ZFP14: variants seen among roughly 807,000 people sequenced by gnomAD.
The protein encoded by ZFP14 is zinc finger protein 14 homolog.
A neutral mutation model predicts 54.5 loss-of-function variants in ZFP14; 22 were observed. The ratio of observed to expected loss-of-function variants is 0.40; its 90% CI spans 0.29 to 0.58. ZFP14 has a LOEUF of 0.58. Among genes scored for constraint, ZFP14 ranks in the 20% least tolerant of loss-of-function variants. ZFP14 has a pLI of 0.39. For missense variants in ZFP14, 470 were observed against 637.8 expected (o/e 0.74, Z 2.83); for synonymous variants, 159 against 204.0 (o/e 0.78, Z 1.88).
At position 36,359,961 on chromosome 19, in the gene ZFP14, T is replaced by A. The variant is rs180991319; in HGVS notation, c.235+474A>T. 4.5e-3 allele frequency among the ~76,000 whole-genome samples: 685 copies of A among 152,258 alleles called. 11 individuals carry two copies. Among genetic ancestry groups the A allele is most frequent in the Admixed American group, 0.025 (387 of 15,282 alleles). On this transcript the variant is annotated intron_variant, in intron 4 of 4. Transcript: ENST00000270001. The stretch of plus-strand genomic sequence containing the variant: ...TGAGCCACCACGCCCAGCCTCTTAT[T>A]ATTCTTTTAACGGCTATAGGATCTA...
intron 4 of ZFP14, among the ~76,000 whole-genome samples, chr19:36,354,890 C>T (rs1340879255): frequency 7.0e-6 from 1 of 142,840 alleles, no homozygotes; most frequent in Admixed American, 7.2e-5. Context: ...AGGCTGGTCT[C>T]GAACTCCTGG....
chr19:36,368,444 G>C (rs905414065), intron 1 of ZFP14, among the ~76,000 whole-genome samples: 2 of 152,094 alleles, frequency 1.3e-5, no homozygotes, highest in Non-Finnish European at 2.9e-5. Flanking sequence ...CTCCAGCCTG[G>C]GCAACAAGAG....
chr19:36,362,550 A>G (rs1219418608), intron 2 of ZFP14, among the ~76,000 whole-genome samples: 3 of 152,178 alleles, frequency 2.0e-5, no homozygotes, highest in South Asian at 2.1e-4. Flanking sequence ...TTTGAATACT[A>G]TGTGCCTCCA....
Position 36,340,012 on chromosome 19 carries a change from C to A in ZFP14, c.*212G>T. ...GAAAGGGAGATAATGACAGATAAGG[C>A]TAAAGATTTTCCTACATTCATTACA... On this transcript the variant is annotated 3_prime_UTR_variant, in exon 5 of 5. Transcript: ENST00000270001. The surrounding 1 kb of genome is among the most constrained non-coding windows in gnomAD (Gnocchi z 5.4). 1 of 453,180 alleles carries A rather than the reference C, an allele frequency of 2.2e-6. No individual in the cohort carries two copies. The highest frequency in any genetic ancestry group is 5.6e-5 in the South Asian group (1 of 17,760). 28.1% of individuals were successfully genotyped at this position (453,180 alleles called of 1,614,324 possible).
At chr19:36,362,002 G>T in intron 3 of ZFP14, 110 bp downstream of exon 3, 1 of 1,362,838 alleles carries the variant, frequency 7.3e-7, no homozygotes, top group Non-Finnish European at 9.8e-7. Flanking sequence ...ACCTGACAAA[G>T]CTTAAATCAT....
At chr19:36,351,315 A>G (rs2031520789) in intron 4 of ZFP14, among the ~76,000 whole-genome samples, 1 of 142,544 alleles carries the variant, frequency 7.0e-6, no homozygotes, top group African/African-American at 2.6e-5. Context: ...CCTGGCCAAC[A>G]TGGCGAAACC....
At chr19:36,370,101 CA>C (rs1185631912) in intron 1 of ZFP14, among the ~76,000 whole-genome samples, 2 of 152,180 alleles carry the variant, frequency 1.3e-5, no homozygotes, top group African/African-American at 4.8e-5. Flanking sequence ...TATCCATCAA[CA>C]AAAATGCCTT....
At position 36,350,492 on chromosome 19, in the gene ZFP14, T is replaced by G. The variant is rs10425250; in HGVS notation, c.236-8902A>C. 1.9e-3 allele frequency among the ~76,000 whole-genome samples: 263 copies of G among 141,050 alleles called. 31 individuals are homozygous for G. The highest frequency in any genetic ancestry group is 6.6e-3 in the African/African-American group (253 of 38,440). The allele number at this position is 141,050 out of a possible 152,430, so 92.5% of individuals were successfully genotyped here. On this transcript the variant is annotated intron_variant, in intron 4 of 4. Transcript: ENST00000270001. The stretch of plus-strand genomic sequence containing the variant: ...GGTGTGCACCTGTGGTCCAAGCTAC[T>G]TGGGAGGCTGAGGTGGGAGGATCAC...
At chr19:36,360,326 G>A (rs1191802725) in intron 4 of ZFP14, 109 bp downstream of exon 4, 1 of 891,956 alleles carries the variant, frequency 1.1e-6, no homozygotes, top group Non-Finnish European at 1.6e-6. Flanking sequence ...CATAGGCCAG[G>A]GGCTTTTTGA....
In ZFP14 at chr19:36,336,605, T is replaced by C. The variant is rs1479302494; in HGVS notation, c.*3619A>G. 6.6e-6 allele frequency: 1 copy of C among 152,256 alleles called. No individual in the cohort carries two copies. Among genetic ancestry groups the C allele is most frequent in the African/African-American group, 2.4e-5 (1 of 41,462 alleles). The allele number at this position is 152,256 out of a possible 1,614,324, so 9.4% of individuals were successfully genotyped here. A position where few individuals can be genotyped will look rare whatever the true frequency, so the allele number is the denominator to read the frequency against. ...TCCTTTTTCTTGACGGAAATACTTATTCATTCCCTCAACACATTCATCTGT... is the reference window on the plus strand; with the variant it reads ...TCCTTTTTCTTGACGGAAATACTTACTCATTCCCTCAACACATTCATCTGT... On this transcript the variant is annotated 3_prime_UTR_variant, in exon 5 of 5. Transcript: ENST00000270001.
At chr19:36,352,992 A>G (rs1237117656) in intron 4 of ZFP14, among the ~76,000 whole-genome samples, 2 of 140,156 alleles carry the variant, frequency 1.4e-5, no homozygotes, top group Admixed American at 7.4e-5. Context: ...TGTAGTCCCA[A>G]CTACTCAGGA....
chr19:36,370,926 T>C (rs1434898096), intron 1 of ZFP14, among the ~76,000 whole-genome samples: 1 of 152,174 alleles, frequency 6.6e-6, no homozygotes, highest in East Asian at 1.9e-4. Flanking sequence ...AAAGTGCCAG[T>C]GATTGACTCT....
chr19:36,342,603 G>A (rs1268672944), intron 4 of ZFP14, among the ~76,000 whole-genome samples: 2 of 151,996 alleles, frequency 1.3e-5, no homozygotes, highest in Admixed American at 1.3e-4. Flanking sequence ...AAAATAAAGA[G>A]ACAATGCTAG....
At chr19:36,345,048 G>A (rs2031389143) in intron 4 of ZFP14, among the ~76,000 whole-genome samples, 1 of 152,200 alleles carries the variant, frequency 6.6e-6, no homozygotes, top group Non-Finnish European at 1.5e-5. Flanking sequence ...GATCACCTGA[G>A]GTCGGGAGTT....
intron 2 of ZFP14, among the ~76,000 whole-genome samples, chr19:36,367,102 C>T (rs1164654131): frequency 1.3e-5 from 2 of 150,668 alleles, no homozygotes; most frequent in Admixed American, 6.6e-5. Flanking sequence ...TGCAGTGAGC[C>T]GAGATCATGC....
At chr19:36,376,286 C>T (rs1170842902) in intron 1 of ZFP14, among the ~76,000 whole-genome samples, 1 of 152,098 alleles carries the variant, frequency 6.6e-6, no homozygotes, top group Non-Finnish European at 1.5e-5. Flanking sequence ...TCTACTCAGG[C>T]CTGTAATCCC....
chr19:36,356,449 T>A (rs543809706), intron 4 of ZFP14, among the ~76,000 whole-genome samples: 2 of 151,716 alleles, frequency 1.3e-5, no homozygotes. Flanking sequence ...AGAAAGAAAT[T>A]AATGTTGGTA....
At chr19:36,364,414 T>C (rs1428124173) in intron 2 of ZFP14, among the ~76,000 whole-genome samples, 1 of 152,142 alleles carries the variant, frequency 6.6e-6, no homozygotes, top group Non-Finnish European at 1.5e-5. Flanking sequence ...GATTGGCTTG[T>C]TTGAATAATT....
At chr19:36,372,509 T>C (rs1449562837) in intron 1 of ZFP14, among the ~76,000 whole-genome samples, 2 of 152,124 alleles carry the variant, frequency 1.3e-5, no homozygotes, top group Admixed American at 6.5e-5. Flanking sequence ...AAATAAATGA[T>C]TAATTCCCTG....
Sources: gnomAD v4.1 joint callset for allele counts (sites outside exome capture counted in the v4.1 genomes callset) on GRCh38, gnomAD v4.1.1 for gene constraint, Gnocchi (gnomAD v3.1) non-coding constraint, MANE v1.5 for transcripts, NCBI Gene and HGNC (gene_info 2026-07-23, HGNC 2026-07-21) for gene names.